The following ERCC4 variants were observed in gnomAD, a reference collection of about 807,000 sequenced individuals.
The protein encoded by ERCC4 is DNA repair endonuclease XPF.
ERCC4 carries 65 observed loss-of-function variants against 76.9 expected under a neutral mutation model. The observed-to-expected ratio is 0.84, with a 90% CI of 0.69 to 1.04. The LOEUF (loss-of-function observed/expected upper bound fraction) is 1.04, where lower values mean the gene tolerates loss of function less well. Among genes scored for constraint, ERCC4 ranks in the 50% least tolerant of loss-of-function variants. The pLI, the probability that ERCC4 is intolerant of heterozygous loss-of-function variation, is 0.00. For missense variants in ERCC4, 1,214 were observed against 1,128.2 expected (o/e 1.08, Z -1.09); for synonymous variants, 463 against 410.1 (o/e 1.13, Z -1.56).
intron 9 of ERCC4, among the ~76,000 whole-genome samples, chr16:13,943,793 G>A (rs1023430370): frequency 3.5e-5 from 5 of 141,016 alleles, no homozygotes; most frequent in African/African-American, 1.3e-4. Context: ...CCCAAGCAGG[G>A]AAGAGACTCA....
chr16:13,937,974 A>C lies in ERCC4; in HGVS notation c.1904+116A>C, dbSNP rs970256123. ...GGCAAGGAAGACGTTGGAGAGGATC[A>C]CATTGAGATAAACCTGTGGTCTGAA... On this transcript the variant is annotated intron_variant, in intron 9 of 10. Transcript: ENST00000311895. The C allele has an allele frequency of 9.6e-6, 7 of 726,528 alleles. No homozygotes were observed. In the African/African-American group the frequency reaches 1.2e-4, roughly 13 times the overall value. The allele number at this position is 726,528 out of a possible 1,614,324, so 45.0% of individuals were successfully genotyped here.
chr16:13,938,047 C>T (rs975010974), intron 9 of ERCC4, among the ~76,000 whole-genome samples, 189 bp downstream of exon 9: 2 of 150,806 alleles, frequency 1.3e-5, no homozygotes, highest in African/African-American at 2.4e-5. Flanking sequence ...TTCTCTTCCC[C>T]GTCTCTTCCT....
chr16:13,936,968 G>A (rs1192677729), intron 8 of ERCC4, among the ~76,000 whole-genome samples: 1 of 148,582 alleles, frequency 6.7e-6, no homozygotes, highest in African/African-American at 2.5e-5. Context: ...CTGGAGTGCA[G>A]TGTTGCAATC....
chr16:13,949,980 G>A lies in ERCC4; in HGVS notation c.*1633G>A. ...AAAATTGTCATTGTTATTTTTTTTT[G>A]AGACAGAGTCTCCCTCTGTTGCCCA... On this transcript the variant is annotated 3_prime_UTR_variant, in exon 11 of 11. Transcript: ENST00000311895. 4.5e-6 allele frequency: 1 copy of A among 220,670 alleles called. No individual in the cohort carries two copies. The highest frequency in any genetic ancestry group is 6.6e-5 in the East Asian group (1 of 15,184). 13.7% of individuals were successfully genotyped at this position (220,670 alleles called of 1,614,324 possible). A position where few individuals can be genotyped will look rare whatever the true frequency, so the allele number is the denominator to read the frequency against.
intron 9 of ERCC4, among the ~76,000 whole-genome samples, chr16:13,943,800 CTCAGCTTATATATCTTTTCTG>C (rs1210842553): frequency 6.6e-6 from 1 of 151,488 alleles, no homozygotes; most frequent in East Asian, 1.9e-4. Flanking sequence ...AGGGAAGAGA[CTCAGCTTATATATCTTTTCTG>C]TCATACCTGG....
At chr16:13,921,201 A>G (rs1469599424) in intron 1 of ERCC4, among the ~76,000 whole-genome samples, 3 of 152,118 alleles carry the variant, frequency 2.0e-5, no homozygotes, top group Admixed American at 6.5e-5. Flanking sequence ...GGGACCAGGA[A>G]ATAGGACATT....
Position 13,952,285 on chromosome 16 carries a change from A to G in ERCC4, c.*3938A>G. Reference sequence around the variant, plus strand: ...GCAGTAATAATTCAAAATCCTGAAAATGTTTCATTTTTTTTGTTTTTGTTA... The same window carrying G: ...GCAGTAATAATTCAAAATCCTGAAAGTGTTTCATTTTTTTTGTTTTTGTTA... On this transcript the variant is annotated 3_prime_UTR_variant, in exon 11 of 11. Transcript: ENST00000311895. 5.6e-6 allele frequency: 1 copy of G among 178,640 alleles called. No individual in the cohort carries two copies. The highest frequency in any genetic ancestry group is 1.2e-5 in the Non-Finnish European group (1 of 83,644). 11.1% of individuals were successfully genotyped at this position (178,640 alleles called of 1,614,324 possible).
rs1298835494 is a variant in ERCC4 at position 13,949,399 on chromosome 16, C to G, written c.*1052C>G. Reference sequence around the variant, plus strand: ...CCTGGGCGACAGAGTGAGACTTTGTCTCTATTACAAAAAGAAAAGAAAAGA... The same window carrying G: ...CCTGGGCGACAGAGTGAGACTTTGTGTCTATTACAAAAAGAAAAGAAAAGA... On this transcript the variant is annotated 3_prime_UTR_variant, in exon 11 of 11. Transcript: ENST00000311895. 4.3e-6 allele frequency: 1 copy of G among 233,102 alleles called. No homozygotes were observed. Among genetic ancestry groups the G allele is most frequent in the African/African-American group, 2.2e-5 (1 of 45,280 alleles). The allele number at this position is 233,102 out of a possible 1,614,324, so 14.4% of individuals were successfully genotyped here. A position where few individuals can be genotyped will look rare whatever the true frequency, so the allele number is the denominator to read the frequency against.
intron 9 of ERCC4, among the ~76,000 whole-genome samples, chr16:13,939,939 T>C (rs2032380736): frequency 6.6e-6 from 1 of 152,132 alleles, no homozygotes; most frequent in Non-Finnish European, 1.5e-5. Flanking sequence ...GTCACCTAGA[T>C]AGAAATGAGT....
At position 13,947,889 on chromosome 16, in the gene ERCC4, A is replaced by G. The variant is rs1231082439; in HGVS notation, c.2293A>G (p.Lys765Glu). 6.2e-7 allele frequency: 1 copy of G among 1,614,108 alleles called. No homozygotes were observed. The highest frequency in any genetic ancestry group is 1.7e-5 in the Admixed American group (1 of 60,020). Residue 765 changes from lysine to glutamate, a missense_variant, in exon 11 of 11, where the codon AAG (lysine) becomes GAG (glutamate). Physicochemically the swap from Lys to Glu is moderately conservative, Grantham distance 56 (BLOSUM62 1). Coordinates refer to ENST00000311895, the MANE Select transcript of ERCC4 (RefSeq NM_005236.3). ...GCTTCTGATTGAGTTTGACCCTAGC[A>G]AGCCTTTCTCTCTCACTTCCCGAGG... Reference protein sequence around the residue: ...PVLLIEFDPSKPFSLTSRGAL... With the variant: ...PVLLIEFDPSEPFSLTSRGAL...
intron 10 of ERCC4, among the ~76,000 whole-genome samples, chr16:13,945,637 C>T (rs568887126): frequency 6.6e-6 from 1 of 152,178 alleles, no homozygotes; most frequent in Non-Finnish European, 1.5e-5. Context: ...GAAATTCCAA[C>T]TCAGTGGATG....
chr16:13,933,694 T>A (rs1284694087), intron 6 of ERCC4: 1 of 152,892 alleles, frequency 6.5e-6, no homozygotes, highest in African/African-American at 2.4e-5. Flanking sequence ...GCAGTAAGAG[T>A]GAAACTTCGT....
intron 8 of ERCC4, among the ~76,000 whole-genome samples, chr16:13,936,119 T>C (rs1315882300): frequency 6.6e-6 from 1 of 152,220 alleles, no homozygotes; most frequent in Non-Finnish European, 1.5e-5. Flanking sequence ...TCTTCTAAAA[T>C]ATCTTTCCTA....
chr16:13,925,935 T>C (rs575164511), intron 2 of ERCC4, among the ~76,000 whole-genome samples: 152 of 152,292 alleles, frequency 1.0e-3, no homozygotes, highest in Non-Finnish European at 1.9e-3. Flanking sequence ...GTTATAATCA[T>C]GTACACCCCC....
chr16:13,937,882 A>C (rs1312653553), intron 9 of ERCC4, 24 bp downstream of exon 9: 2 of 1,454,176 alleles, frequency 1.4e-6, no homozygotes, highest in African/African-American at 2.8e-5. Context: ...AATCAGTATG[A>C]AAGCCCCAAC....
At chr16:13,939,087 G>A (rs544200822) in intron 9 of ERCC4, among the ~76,000 whole-genome samples, 128 of 152,210 alleles carry the variant, frequency 8.4e-4, no homozygotes, top group African/African-American at 2.9e-3. Context: ...TGTTTATGTC[G>A]TATATGTGGG....
At chr16:13,923,034 A>G (rs1250379193) in intron 2 of ERCC4, among the ~76,000 whole-genome samples, 2 of 151,854 alleles carry the variant, frequency 1.3e-5, no homozygotes, top group Admixed American at 1.3e-4. Context: ...TTTTTTTGGC[A>G]TTATTTGAAA....
chr16:13,932,211 T>C lies in ERCC4; in HGVS notation c.1028T>C (p.Val343Ala). 1 of 1,612,846 alleles carries C rather than the reference T, an allele frequency of 6.2e-7. No homozygotes were observed. Among genetic ancestry groups the C allele is most frequent in the Non-Finnish European group, 8.5e-7 (1 of 1,178,974 alleles). Residue 343 changes from valine (V) to alanine (A), a missense_variant, in exon 6 of 11, where the codon GTT becomes GCT. Transcript: ENST00000311895. ...TSMFINARAR[V>A]YHLPDAKMSK... ...ATGTTTATAAATGCTCGAGCAAGGG[T>C]TTATCATCTTCCAGATGCCAAAATG...
intron 6 of ERCC4, 28 bp downstream of exon 6, chr16:13,932,313 G>T (rs750183108): frequency 1.3e-6 from 2 of 1,596,476 alleles, no homozygotes; most frequent in Non-Finnish European, 1.7e-6. Context: ...GTCTTTAAAT[G>T]TGTTTTTTAT....
Sources: allele counts gnomAD v4.1 joint callset (sites outside exome capture counted in the v4.1 genomes callset), GRCh38; gene constraint gnomAD v4.1.1; transcripts MANE v1.5; gene names NCBI Gene and HGNC (gene_info 2026-07-23, HGNC 2026-07-21).